ABCA5: variants seen among roughly 807,000 people sequenced by gnomAD.
The protein encoded by ABCA5 is ATP binding cassette subfamily A member 5.
Under a neutral mutation model 206.0 loss-of-function variants are expected in ABCA5, and 163 were observed. That is an observed-to-expected ratio of 0.79 (90% confidence interval 0.70 to 0.90). ABCA5 has a LOEUF of 0.90. Among genes scored for constraint, ABCA5 ranks in the 40% least tolerant of loss-of-function variants. ABCA5 has a pLI of 0.00. For synonymous variants in ABCA5, 609 were observed against 613.8 expected, an observed-to-expected ratio of 0.99 and a Z score of 0.11; for missense variants, 1,859 against 1,912.9, an observed-to-expected ratio of 0.97 and a Z score of 0.53.
intron 3 of ABCA5, among the ~76,000 whole-genome samples, chr17:69,311,860 T>G (rs1381892598): frequency 6.6e-6 from 1 of 152,210 alleles, no homozygotes; most frequent in Non-Finnish European, 1.5e-5. Flanking sequence ...TCAACATTTT[T>G]AATCAGCTTT....
chr17:69,260,251 A>G, intron 27 of ABCA5, 87 bp downstream of exon 27: 1 of 983,588 alleles, frequency 1.0e-6, no homozygotes, highest in Non-Finnish European at 1.5e-6. Flanking sequence ...TTCATGCAAC[A>G]GGATAAAAAA....
In ABCA5 at chr17:69,309,337, T is replaced by C; in HGVS notation, c.394A>G (p.Lys132Glu). 1 of 1,607,854 alleles carries C rather than the reference T, an allele frequency of 6.2e-7. No individual in the cohort carries two copies. The highest frequency in any genetic ancestry group is 1.1e-5 in the South Asian group (1 of 89,868). ...CGAAGTTCATAGGACATGGAGTCTTTGAAAACCACACCTACAAAGTTGCTC... is the reference window on the plus strand; with the variant it reads ...CGAAGTTCATAGGACATGGAGTCTTCGAAAACCACACCTACAAAGTTGCTC... ...KPSNFVGVVF[K>E]DSMSYELRFF... is the part of the protein sequence containing the mutation. The change falls in exon 4 of 39, where the codon AAA becomes GAA. Residue 132 changes from lysine (K) to glutamate (E), a missense_variant. By Grantham distance (56) the Lys-to-Glu change is moderately conservative. Coordinates refer to ENST00000392676, the MANE Select transcript of ABCA5 (RefSeq NM_172232.4).
In ABCA5 at chr17:69,286,359, A is replaced by G. The variant is rs931401529; in HGVS notation, c.2042-48T>C. ...CAATTTCTAAAGTATCAACAGCATT[A>G]ATAATTGGCATTTACATTTTATGGT... On this transcript the variant is annotated intron_variant, in intron 15 of 38. Transcript: ENST00000392676. 2.7e-6 allele frequency: 4 copies of G among 1,483,488 alleles called. No homozygotes were observed. In the African/African-American group the frequency reaches 4.3e-5, roughly 16 times the overall value. The allele number at this position is 1,483,488 out of a possible 1,614,324, so 91.9% of individuals were successfully genotyped here. A position where few individuals can be genotyped will look rare whatever the true frequency, so the allele number is the denominator to read the frequency against.
Position 69,261,123 on chromosome 17 carries a change from A to G in ABCA5, c.3564+2T>C. 6.5e-7 allele frequency: 1 copy of G among 1,547,282 alleles called. No individual in the cohort carries two copies. The highest frequency in any genetic ancestry group is 8.7e-7 in the Non-Finnish European group (1 of 1,144,214). ...ACATATTAAAATATTTAGCAGAATTACCTTTATGAAAGAAATCAGGCAACC... is the reference window on the plus strand; with the variant it reads ...ACATATTAAAATATTTAGCAGAATTGCCTTTATGAAAGAAATCAGGCAACC... On this transcript the variant is annotated splice_donor_variant, in intron 26 of 38. Coordinates refer to ENST00000392676, the MANE Select transcript of ABCA5 (RefSeq NM_172232.4). LOFTEE classifies it high-confidence loss of function.
chr17:69,303,829 T>C (rs1320863796), intron 7 of ABCA5, among the ~76,000 whole-genome samples: 4,664 of 14,544 alleles, frequency 0.32, 1,887 homozygotes, highest in East Asian at 0.56. Context: ...TATATATGTA[T>C]ATATATATAT....
At chr17:69,280,741 G>A (rs1200187323) in intron 18 of ABCA5, among the ~76,000 whole-genome samples, 1 of 151,004 alleles carries the variant, frequency 6.6e-6, no homozygotes, top group Non-Finnish European at 1.5e-5. Flanking sequence ...GTAGGGACAT[G>A]GATGAAATTG....
At chr17:69,285,860 C>G (rs958368535) in intron 17 of ABCA5, 38 bp downstream of exon 17, 1 of 1,575,798 alleles carries the variant, frequency 6.3e-7, no homozygotes, top group Non-Finnish European at 8.6e-7. Flanking sequence ...AATATAGGAT[C>G]CCAGTTCAAA....
In ABCA5 at chr17:69,326,569, C is replaced by G. The variant is rs1176145091; in HGVS notation, c.-16+483G>C. On this transcript the variant is annotated intron_variant, in intron 1 of 38. Transcript: ENST00000392676. This position sits in a 1 kb window ranked among gnomAD's most constrained non-coding sequence, Gnocchi z 4.8. ...CTTCTCACTGAAACTCCTTTTAACA[C>G]GCAAGGTAATGATCCGCGCGTAACC... is the stretch of plus-strand genomic sequence containing the variant. Among the ~76,000 whole-genome samples the G allele has an allele frequency of 2.0e-5, 3 of 152,242 alleles. No individual in the cohort carries two copies. Among genetic ancestry groups the G allele is most frequent in the Non-Finnish European group, 4.4e-5 (3 of 68,038 alleles).
chr17:69,247,354 A>G lies in ABCA5; in HGVS notation c.*183T>C. On this transcript the variant is annotated 3_prime_UTR_variant, in exon 39 of 39. Coordinates refer to ENST00000392676, the MANE Select transcript of ABCA5 (RefSeq NM_172232.4). ...CAAACATGCAGCTTCACTTAATTATACATACGTTTTATTTAAAGAAAAGCA... is the reference window on the plus strand; with the variant it reads ...CAAACATGCAGCTTCACTTAATTATGCATACGTTTTATTTAAAGAAAAGCA... The G allele has an allele frequency of 1.9e-6, 1 of 526,286 alleles. No homozygotes were observed. The highest frequency in any genetic ancestry group is 3.3e-6 in the Non-Finnish European group (1 of 300,876). The allele number at this position is 526,286 out of a possible 1,614,324, so 32.6% of individuals were successfully genotyped here. A position where few individuals can be genotyped will look rare whatever the true frequency, so the allele number is the denominator to read the frequency against.
At chr17:69,280,619 G>C (rs1273075654) in intron 18 of ABCA5, among the ~76,000 whole-genome samples, 47 of 151,164 alleles carry the variant, frequency 3.1e-4, no homozygotes, top group African/African-American at 1.0e-3. Flanking sequence ...CAATAGCAAA[G>C]ACTTGGAACC....
intron 9 of ABCA5, among the ~76,000 whole-genome samples, chr17:69,298,010 C>T (rs1273809048): frequency 6.6e-6 from 1 of 151,934 alleles, no homozygotes; most frequent in Non-Finnish European, 1.5e-5. Flanking sequence ...TATGGCAAAA[C>T]CTTGTCTCTG....
chr17:69,320,219 A>T (rs1345876568), intron 1 of ABCA5, among the ~76,000 whole-genome samples: 1 of 152,204 alleles, frequency 6.6e-6, no homozygotes, highest in Admixed American at 6.5e-5. Context: ...AGAAAAAAGC[A>T]ATTACAGAAC....
chr17:69,322,444 TA>T (rs1009593658), intron 1 of ABCA5, among the ~76,000 whole-genome samples: 2 of 144,784 alleles, frequency 1.4e-5, no homozygotes, highest in African/African-American at 5.2e-5. Flanking sequence ...CTAAAAGTAA[TA>T]AAAATGTACA....
chr17:69,248,916 C>T (rs889582142), intron 37 of ABCA5: 2 of 152,216 alleles, frequency 1.3e-5, no homozygotes, highest in African/African-American at 4.8e-5. Context: ...TTTGTAAAAA[C>T]AGAGTCTCAC....
In ABCA5 at chr17:69,258,004, T is replaced by C. The variant is rs188614528; in HGVS notation, c.3731+1702A>G. 4.5e-3 allele frequency among the ~76,000 whole-genome samples: 682 copies of C among 152,046 alleles called. 5 individuals are homozygous for C. The highest frequency in any genetic ancestry group is 0.016 in the African/African-American group (653 of 41,488). On this transcript the variant is annotated intron_variant, in intron 28 of 38. Coordinates refer to ENST00000392676, the MANE Select transcript of ABCA5 (RefSeq NM_172232.4). The stretch of plus-strand genomic sequence containing the variant: ...AATGACAAGATTATTTACTGAGAAG[T>C]AGGAAGTAAGATAAGGTGATTTGAG...
At position 69,253,798 on chromosome 17, in the gene ABCA5, C is replaced by T. The variant is rs369202022; in HGVS notation, c.4316G>A (p.Arg1439Gln). Residue 1439 changes from arginine to glutamine, a missense_variant, in exon 33 of 39, where the codon CGA (arginine) becomes CAA (glutamine). Physicochemically the swap from Arg to Gln is conservative, Grantham distance 43. Coordinates refer to ENST00000392676, the MANE Select transcript of ABCA5 (RefSeq NM_172232.4). ...TVKKLPAGIK[R>Q]KLCFALSMLG... ...TTTGGTGTTTAATGAAAGTACCTTT[C>T]GTTTGATTCCTGCAGGTAGTTTCTT... 22 of 1,611,808 alleles carry T rather than the reference C, an allele frequency of 1.4e-5. No homozygotes were observed. Among genetic ancestry groups the T allele is most frequent in the East Asian group, 1.1e-4 (5 of 44,792 alleles).
At chr17:69,316,882 T>A (rs1598209664) in intron 1 of ABCA5, 1 of 152,204 alleles carries the variant, frequency 6.6e-6, no homozygotes, top group Non-Finnish European at 1.5e-5. Flanking sequence ...AAGCAAATGG[T>A]TCAGATGCTG....
chr17:69,257,737 AT>A (rs768638847), intron 28 of ABCA5, among the ~76,000 whole-genome samples: 1 of 151,932 alleles, frequency 6.6e-6, no homozygotes, highest in Non-Finnish European at 1.5e-5. Flanking sequence ...AAAATACACT[AT>A]TGAGATCTAG....
In ABCA5 at chr17:69,313,100, A is replaced by G; in HGVS notation, c.299T>C (p.Leu100Pro). 3.1e-6 allele frequency: 5 copies of G among 1,599,818 alleles called. No individual in the cohort carries two copies. The highest frequency in any genetic ancestry group is 2.2e-5 in the East Asian group (1 of 44,528). Residue 100 changes from leucine to proline, a missense_variant, in exon 3 of 39, where the codon CTA (leucine) becomes CCA (proline). Leu to Pro is a moderately conservative substitution (Grantham distance 98). Coordinates refer to ENST00000392676, the MANE Select transcript of ABCA5 (RefSeq NM_172232.4). ...SIMQKVSTDH[L>P]PDVIITEEYT... ...ATATAAGCTCACAATACCATCAGGT[A>G]GATGATCAGTAGACACTTTCTGCAT...
Sources: allele counts gnomAD v4.1 joint callset (sites outside exome capture counted in the v4.1 genomes callset), GRCh38; gene constraint gnomAD v4.1.1; non-coding constraint Gnocchi (gnomAD v3.1); transcripts MANE v1.5; gene names NCBI Gene and HGNC (gene_info 2026-07-23, HGNC 2026-07-21).